The following LRRC56 variants were observed in gnomAD, a reference collection of about 807,000 sequenced individuals.
The protein encoded by LRRC56 is leucine-rich repeat-containing protein 56.
A neutral mutation model predicts 47.8 loss-of-function variants in LRRC56; 41 were observed. That is an observed-to-expected ratio of 0.86 (90% CI 0.67 to 1.11). The LOEUF (loss-of-function observed/expected upper bound fraction) is 1.11. Among genes scored for constraint, LRRC56 ranks in the 50% most tolerant of loss-of-function variants. The pLI, the probability that LRRC56 is intolerant of heterozygous loss-of-function variation, is 0.00. For synonymous variants in LRRC56, 387 were observed against 311.2 expected (o/e 1.24, Z -2.56); for missense variants, 759 against 704.2 (o/e 1.08, Z -0.88).
At chr11:522,559 C>A in the LRRC56 span, among the ~76,000 whole-genome samples, 6 of 152,140 alleles carry the variant, frequency 3.9e-5, no homozygotes, top group Non-Finnish European at 7.3e-5. Context: ...AGCCACCGCA[C>A]CTGGCCATTT....
chr11:531,490 G>A, the LRRC56 span, among the ~76,000 whole-genome samples: 19 of 152,216 alleles, frequency 1.2e-4, no homozygotes, highest in Non-Finnish European at 2.8e-4. Flanking sequence ...GCCCCTTGGA[G>A]CAGAGTGGGT....
the LRRC56 span, among the ~76,000 whole-genome samples, chr11:527,334 T>C: frequency 1.3e-5 from 2 of 152,144 alleles, no homozygotes; most frequent in African/African-American, 2.4e-5. Flanking sequence ...TGTGGCACTG[T>C]GCTAACCACG....
chr11:527,690 C>G, the LRRC56 span, among the ~76,000 whole-genome samples: 162 of 148,650 alleles, frequency 1.1e-3, no homozygotes, highest in African/African-American at 3.7e-3. Context: ...CGCCACCACG[C>G]CCGGCTAATT....
chr11:508,050 C>T, the LRRC56 span, among the ~76,000 whole-genome samples: 1 of 152,260 alleles, frequency 6.6e-6, no homozygotes, highest in Admixed American at 6.5e-5. Context: ...AAGTTTTTGA[C>T]TAGTCCGCAA....
intron 9 of LRRC56, 137 bp downstream of exon 9, chr11:551,439 T>TG (rs1852383148): frequency 5.0e-6 from 4 of 794,690 alleles, no homozygotes; most frequent in Admixed American, 3.0e-5. Context: ...CCCAGAGCTG[T>TG]GCACACCCGG....
chr11:534,395 TCAGCCAGGCCCAGGCC>T (rs1455449413), upstream of LRRC56: 1 of 1,289,960 alleles, frequency 7.8e-7, no homozygotes, highest in African/African-American at 1.5e-5. Flanking sequence ...AGGGCCCTGC[TCAGCCAGGCCCAGGCC>T]CAGCCCCAGG....
chr11:515,212 C>T, the LRRC56 span, among the ~76,000 whole-genome samples: 1 of 152,092 alleles, frequency 6.6e-6, no homozygotes, highest in East Asian at 1.9e-4. Flanking sequence ...AGCAGTGCTG[C>T]TCCGGAGACA....
the LRRC56 span, among the ~76,000 whole-genome samples, chr11:522,242 C>G: frequency 0.012 from 1,829 of 151,704 alleles, 47 homozygotes; most frequent in African/African-American, 0.042. Flanking sequence ...CAATGGCTGG[C>G]TGATTTCTGG....
intron 6 of LRRC56, among the ~76,000 whole-genome samples, chr11:545,230 G>A (rs1454867008): frequency 6.6e-6 from 1 of 152,350 alleles, no homozygotes; most frequent in Admixed American, 6.5e-5. Flanking sequence ...ATGCCAGGTC[G>A]TGTGGCCAGC....
intron 13 of LRRC56, among the ~76,000 whole-genome samples, chr11:553,746 GCCT>G (rs1365873182): frequency 1.3e-5 from 2 of 152,200 alleles, no homozygotes; most frequent in Non-Finnish European, 2.9e-5. Flanking sequence ...AGGCTTCGTG[GCCT>G]CCTTGCCTGC....
chr11:510,115 C>G, the LRRC56 span, among the ~76,000 whole-genome samples: 1 of 152,088 alleles, frequency 6.6e-6, no homozygotes, highest in Non-Finnish European at 1.5e-5. Context: ...CCAGCCTACA[C>G]GTTAGCTTAA....
chr11:546,163 A>ATG (rs1852068658), intron 6 of LRRC56, among the ~76,000 whole-genome samples: 1 of 152,056 alleles, frequency 6.6e-6, no homozygotes, highest in Admixed American at 6.6e-5. Context: ...CCAGCTGCTC[A>ATG]GGAGGCTGAG....
intron 13 of LRRC56, among the ~76,000 whole-genome samples, chr11:553,301 A>C (rs373412529): frequency 6.6e-6 from 1 of 152,092 alleles, no homozygotes; most frequent in Non-Finnish European, 1.5e-5. Flanking sequence ...CAGTGTAAGC[A>C]GGGGCGACCC....
upstream of LRRC56, chr11:534,349 G>A (rs899369364): frequency 6.3e-7 from 1 of 1,577,090 alleles, no homozygotes; most frequent in East Asian, 2.2e-5. Context: ...GCGGCCCGGG[G>A]TCCTCCTACA....
chr11:554,846 G>C lies in LRRC56; in HGVS notation c.*570G>C. 1 of 641,452 alleles carries C rather than the reference G, an allele frequency of 1.6e-6. No homozygotes were observed. The highest frequency in any genetic ancestry group is 2.5e-6 in the Non-Finnish European group (1 of 405,548). 39.7% of individuals were successfully genotyped at this position (641,452 alleles called of 1,614,324 possible). On this transcript the variant is annotated 3_prime_UTR_variant, in exon 14 of 14. Coordinates refer to ENST00000270115, the MANE Select transcript of LRRC56 (RefSeq NM_198075.4). ...CCCGGAACCCAAACCAACATTTCCA[G>C]CTCTCAGGTGTACAGAAATGCGGTT...
upstream of LRRC56, among the ~76,000 whole-genome samples, chr11:535,824 G>A (rs999569369): frequency 2.0e-5 from 3 of 152,192 alleles, no homozygotes; most frequent in Middle Eastern, 3.4e-3. Context: ...GGTGTCTGGG[G>A]GCCCGGGGCG....
the LRRC56 span, among the ~76,000 whole-genome samples, chr11:511,174 A>G: frequency 2.0e-5 from 3 of 151,680 alleles, no homozygotes; most frequent in African/African-American, 7.3e-5. Context: ...ACAAAAAATT[A>G]GCCGGGCGTG....
At chr11:515,714 T>C in the LRRC56 span, among the ~76,000 whole-genome samples, 1 of 152,066 alleles carries the variant, frequency 6.6e-6, no homozygotes, top group African/African-American at 2.4e-5. Flanking sequence ...GGCGGGCACC[T>C]GTAATCCCAG....
At chr11:546,953 A>G (rs1852113046) in intron 6 of LRRC56, among the ~76,000 whole-genome samples, 1 of 152,006 alleles carries the variant, frequency 6.6e-6, no homozygotes, top group Admixed American at 6.6e-5. Flanking sequence ...GCTACACAGG[A>G]GGCAGAGGCA....
Sources: gnomAD v4.1 joint callset for allele counts (sites outside exome capture counted in the v4.1 genomes callset) on GRCh38, gnomAD v4.1.1 for gene constraint, MANE v1.5 for transcripts, NCBI Gene and HGNC (gene_info 2026-07-23, HGNC 2026-07-21) for gene names.